Variants in CC2D2B observed in about 807,000 individuals in gnomAD.
CC2D2B encodes coiled-coil and C2 domain containing 2B, also known as protein CC2D2B.
Under a neutral mutation model 161.2 loss-of-function variants are expected in CC2D2B, and 128 were observed. That is an observed-to-expected ratio of 0.79 (90% CI 0.69 to 0.92). The LOEUF (loss-of-function observed/expected upper bound fraction) is 0.92, where lower values mean the gene tolerates loss of function less well. Among genes scored for constraint, CC2D2B ranks in the 40% least tolerant of loss-of-function variants. CC2D2B has a pLI of 0.00. For missense variants in CC2D2B, 1,173 were observed against 1,375.1 expected (o/e 0.85, Z 2.32); for synonymous variants, 391 against 449.8 (o/e 0.87, Z 1.65).
intron 22 of CC2D2B, among the ~76,000 whole-genome samples, chr10:95,994,567 C>T (rs1200246080): frequency 6.6e-6 from 1 of 152,142 alleles, no homozygotes; most frequent in Non-Finnish European, 1.5e-5. Context: ...CCTGACTCCT[C>T]CAAGGAAAGG....
In CC2D2B at chr10:95,939,183, T is replaced by C. The variant is rs191895329; in HGVS notation, c.801+258T>C. Among the ~76,000 whole-genome samples, 16 of 152,206 alleles carry C rather than the reference T, an allele frequency of 1.1e-4. No homozygotes were observed. In the East Asian group the frequency reaches 2.9e-3, roughly 28 times the overall value. On this transcript the variant is annotated intron_variant, in intron 9 of 34. Transcript: ENST00000646931. Reference sequence around the variant, plus strand: ...ATGTATGGTGCTAATTTTACAAAAATAATGAATAAATGAATGATACTCAAG... The same window carrying C: ...ATGTATGGTGCTAATTTTACAAAAACAATGAATAAATGAATGATACTCAAG...
chr10:95,942,273 A>G (rs759085537), intron 9 of CC2D2B, among the ~76,000 whole-genome samples: 2 of 152,180 alleles, frequency 1.3e-5, no homozygotes, highest in African/African-American at 2.4e-5. Flanking sequence ...AGTTAATAGT[A>G]CTGTAAACTT....
intron 9 of CC2D2B, among the ~76,000 whole-genome samples, chr10:95,942,721 C>T (rs2076064349): frequency 6.6e-6 from 1 of 151,910 alleles, no homozygotes; most frequent in Non-Finnish European, 1.5e-5. Context: ...CTGTGAAAAC[C>T]ACATTTCTAT....
intron 7 of CC2D2B, 38 bp from the exon 8 acceptor site, chr10:95,938,531 G>T: frequency 1.5e-6 from 1 of 655,424 alleles, no homozygotes; most frequent in Non-Finnish European, 2.8e-6. Context: ...TTAATATTTT[G>T]GACTTTAAAG....
At chr10:95,972,467 C>T (rs1474476752) in intron 16 of CC2D2B, among the ~76,000 whole-genome samples, 1 of 152,094 alleles carries the variant, frequency 6.6e-6, no homozygotes, top group Non-Finnish European at 1.5e-5. Context: ...ATCCCTGCCA[C>T]CACGCCCATC....
At position 96,025,154 on chromosome 10, in the gene CC2D2B, A is replaced by ATATAT. The variant is rs1554853730; in HGVS notation, c.3947+243_3947+244insTATAT. 9.0e-4 allele frequency among the ~76,000 whole-genome samples: 18 copies of ATATAT among 20,084 alleles called. No homozygotes were observed. The East Asian group carries it at 0.018, about 20-fold the overall frequency. The allele number at this position is 20,084 out of a possible 152,430, so 13.2% of individuals were successfully genotyped here. The stretch of plus-strand genomic sequence containing the variant: ...GGAGACGTCATCTCTACTAAAAAAA[A>ATATAT]ATATATATATATATATATATATATA... On this transcript the variant is annotated intron_variant, in intron 33 of 34. Transcript: ENST00000646931.
At chr10:95,915,912 C>G (rs1418579181) in intron 2 of CC2D2B, among the ~76,000 whole-genome samples, 2 of 151,976 alleles carry the variant, frequency 1.3e-5, no homozygotes, top group East Asian at 1.9e-4. Flanking sequence ...TAATATTGGC[C>G]TTGTAGAATG....
intron 32 of CC2D2B, among the ~76,000 whole-genome samples, chr10:96,024,461 G>A (rs1384733489): frequency 6.6e-6 from 1 of 152,138 alleles, no homozygotes; most frequent in African/African-American, 2.4e-5. Context: ...TAGAGCAGTA[G>A]GCACTATTAT....
chr10:95,980,882 A>G (rs2077493078), intron 17 of CC2D2B, among the ~76,000 whole-genome samples: 1 of 152,204 alleles, frequency 6.6e-6, no homozygotes, highest in African/African-American at 2.4e-5. Flanking sequence ...CTTTATAGAA[A>G]GGATTGTAGA....
At chr10:96,001,761 C>G (rs1449722000) in intron 24 of CC2D2B, among the ~76,000 whole-genome samples, 1 of 152,206 alleles carries the variant, frequency 6.6e-6, no homozygotes, top group Non-Finnish European at 1.5e-5. Context: ...CTTCCAGATT[C>G]AACATAGGCT....
chr10:95,999,833 T>A, intron 24 of CC2D2B: 1 of 464,830 alleles, frequency 2.2e-6, no homozygotes, highest in Non-Finnish European at 4.3e-6. Context: ...CCATTGGGTC[T>A]CACAAAGGGT....
chr10:95,971,532 C>T (rs79027772), intron 15 of CC2D2B, among the ~76,000 whole-genome samples: 1 of 152,148 alleles, frequency 6.6e-6, no homozygotes, highest in Non-Finnish European at 1.5e-5. Context: ...CTCAGCACCC[C>T]CTTTTCCTTT....
rs550437675 is a variant in CC2D2B, at chr10:95,926,634, CT to C, written c.241-601del. On this transcript the variant is annotated intron_variant, in intron 5 of 34. Coordinates refer to ENST00000646931, the MANE Select transcript of CC2D2B (RefSeq NM_001349008.3). ...TATAGAATTGATTCCTTTCCCAAGC[CT>C]TCCTTAAAACATTTCATTTTAATAT... is the stretch of plus-strand genomic sequence containing the variant. 3.4e-3 allele frequency among the ~76,000 whole-genome samples: 511 copies of C among 151,862 alleles called. 4 individuals carry two copies. The highest frequency in any genetic ancestry group is 0.012 in the African/African-American group (501 of 41,416).
chr10:96,004,190 A>C lies in CC2D2B; in HGVS notation c.2888A>C (p.Lys963Thr). ...GHDYSFSSLSKIKDNIYINIF... is the reference protein window; with the variant it reads ...GHDYSFSSLSTIKDNIYINIF... ...GATTATAGCTTCTCAAGCTTATCTAAAATAAAAGATAACATATATATCAAC... is the reference window on the plus strand; with the variant it reads ...GATTATAGCTTCTCAAGCTTATCTACAATAAAAGATAACATATATATCAAC... Residue 963 changes from lysine to threonine, a missense_variant, in exon 25 of 35, where the codon AAA (lysine) becomes ACA (threonine). Transcript: ENST00000646931. The C allele has an allele frequency of 6.4e-7, 1 of 1,556,852 alleles. No homozygotes were observed. The highest frequency in any genetic ancestry group is 8.7e-7 in the Non-Finnish European group (1 of 1,153,264).
In CC2D2B at chr10:96,025,157, AT is replaced by A. The variant is rs2079649107; in HGVS notation, c.3947+247del. 6.1e-3 allele frequency among the ~76,000 whole-genome samples: 190 copies of A among 30,932 alleles called. 9 individuals are homozygous for A. Among genetic ancestry groups the A allele is most frequent in the East Asian group, 0.015 (8 of 524 alleles). The allele number at this position is 30,932 out of a possible 152,430, so 20.3% of individuals were successfully genotyped here. ...GACGTCATCTCTACTAAAAAAAAATATATATATATATATATATATATATATA... is the reference window on the plus strand; with the variant it reads ...GACGTCATCTCTACTAAAAAAAAATAATATATATATATATATATATATATA... On this transcript the variant is annotated intron_variant, in intron 33 of 34. Coordinates refer to ENST00000646931, the MANE Select transcript of CC2D2B (RefSeq NM_001349008.3).
chr10:96,008,709 G>A (rs1231098712), intron 25 of CC2D2B, among the ~76,000 whole-genome samples: 1 of 152,000 alleles, frequency 6.6e-6, no homozygotes, highest in South Asian at 2.1e-4. Flanking sequence ...TTTTGGTGAG[G>A]TGTCTGTTCA....
rs770046189 is a variant in CC2D2B, at chr10:96,029,292, A to G, written c.4125+1903A>G. Among the ~76,000 whole-genome samples, 69 of 103,522 alleles carry G rather than the reference A, an allele frequency of 6.7e-4. No homozygotes were observed. The South Asian group carries it at 9.7e-3, about 15-fold the overall frequency. 67.9% of individuals were successfully genotyped at this position (103,522 alleles called of 152,430 possible). On this transcript the variant is annotated intron_variant, in intron 34 of 34. Coordinates refer to ENST00000646931, the MANE Select transcript of CC2D2B (RefSeq NM_001349008.3). Reference sequence around the variant, plus strand: ...TATATATATATATATATATGTATATATATATATATATATGTATATCTATAT... The same window carrying G: ...TATATATATATATATATATGTATATGTATATATATATATGTATATCTATAT...
chr10:96,014,251 G>A (rs527283544), intron 29 of CC2D2B, among the ~76,000 whole-genome samples: 4 of 152,260 alleles, frequency 2.6e-5, no homozygotes, highest in Non-Finnish European at 4.4e-5. Flanking sequence ...TGAAGAGCTC[G>A]TAGAACAGTG....
intron 9 of CC2D2B, among the ~76,000 whole-genome samples, chr10:95,939,816 T>C (rs1052493275): frequency 2.0e-5 from 3 of 152,136 alleles, no homozygotes; most frequent in Admixed American, 1.3e-4. Flanking sequence ...CTTTTACCCA[T>C]TTTTTTCTTA....
Sources: allele counts gnomAD v4.1 joint callset (sites outside exome capture counted in the v4.1 genomes callset), GRCh38; gene constraint gnomAD v4.1.1; transcripts MANE v1.5; gene names NCBI Gene and HGNC (gene_info 2026-07-23, HGNC 2026-07-21).